The following AMPH variants were observed in gnomAD, a reference collection of about 807,000 sequenced individuals.
The protein encoded by AMPH is amphiphysin (Stiff-Mann syndrome with breast cancer 128kD autoantigen).
A neutral mutation model predicts 99.1 loss-of-function variants in AMPH; 49 were observed. The observed-to-expected ratio is 0.49, with a 90% CI of 0.39 to 0.63. AMPH has a LOEUF of 0.63. Ranked by LOEUF, AMPH falls within the 20% of genes least tolerant of loss-of-function variation. The pLI, the probability that AMPH is intolerant of heterozygous loss-of-function variation, is 0.00. For missense variants in AMPH, 759 were observed against 863.4 expected (o/e 0.88, Z 1.52); for synonymous variants, 314 against 317.3 (o/e 0.99, Z 0.11).
chr7:38,454,019 T>C (rs1787138005), intron 11 of AMPH, among the ~76,000 whole-genome samples: 1 of 152,218 alleles, frequency 6.6e-6, no homozygotes, highest in South Asian at 2.1e-4. Context: ...CAGCTATCCC[T>C]GGCGGCATCT....
At chr7:38,619,125 G>T (rs913122718) in intron 1 of AMPH, among the ~76,000 whole-genome samples, 1 of 152,166 alleles carries the variant, frequency 6.6e-6, no homozygotes, top group Non-Finnish European at 1.5e-5. Context: ...CCAGGAATTC[G>T]AGGCTGCAGT....
intron 11 of AMPH, among the ~76,000 whole-genome samples, chr7:38,459,109 T>C (rs1454849864): frequency 1.3e-5 from 2 of 151,984 alleles, no homozygotes; most frequent in Non-Finnish European, 2.9e-5. Context: ...AAGAAATCAA[T>C]ATGGCAATAC....
intron 17 of AMPH, among the ~76,000 whole-genome samples, chr7:38,406,728 T>TCTCTCTCTCTC (rs1785008049): frequency 1.9e-4 from 10 of 53,978 alleles, no homozygotes; most frequent in Middle Eastern, 0.014. Context: ...CTCTCTCCCT[T>TCTCTCTCTCTC]TCCCTCTCTC....
intron 18 of AMPH, among the ~76,000 whole-genome samples, chr7:38,393,110 C>A (rs181890996): frequency 2.6e-5 from 4 of 152,232 alleles, no homozygotes; most frequent in African/African-American, 9.6e-5. Flanking sequence ...AGTAGAACAA[C>A]ATACACAAAA....
In AMPH at chr7:38,618,839, G is replaced by T. The variant is rs376826389; in HGVS notation, c.69+12444C>A. ...CAGGCATGAAAAATAAAGCAACAAA[G>T]AGAAATAAGATATACATGACAAACA... On this transcript the variant is annotated intron_variant, in intron 1 of 20. Coordinates refer to ENST00000356264, the MANE Select transcript of AMPH (RefSeq NM_001635.4). 4.1e-4 allele frequency among the ~76,000 whole-genome samples: 62 copies of T among 152,166 alleles called. No homozygotes were observed. The Middle Eastern group carries it at 0.024, about 58-fold the overall frequency.
At chr7:38,474,360 G>A (rs1285265082) in intron 7 of AMPH, among the ~76,000 whole-genome samples, 1 of 152,270 alleles carries the variant, frequency 6.6e-6, no homozygotes, top group Admixed American at 6.5e-5. Context: ...GTTGGACTTT[G>A]GGTGATGGCT....
At chr7:38,502,594 A>T (rs534956639) in intron 3 of AMPH, among the ~76,000 whole-genome samples, 3 of 152,254 alleles carry the variant, frequency 2.0e-5, no homozygotes, top group Non-Finnish European at 4.4e-5. Flanking sequence ...GCTAAGCAAA[A>T]ATGTTACAGA....
At chr7:38,582,293 C>T (rs936424206) in intron 1 of AMPH, among the ~76,000 whole-genome samples, 7 of 152,176 alleles carry the variant, frequency 4.6e-5, no homozygotes, top group African/African-American at 1.7e-4. Flanking sequence ...CTTAATTAAA[C>T]AAGGTGGAGG....
In AMPH at chr7:38,432,240, T is replaced by C. The variant is rs201163770; in HGVS notation, c.1135-28A>G. On this transcript the variant is annotated intron_variant, in intron 12 of 20. Transcript: ENST00000356264. ...GAAAGCAAATAAACAAAAATACTGT[T>C]AGTTATACAAATCTAAAACATAAAA... The C allele has an allele frequency of 3.8e-4, 612 of 1,600,504 alleles. 6 individuals are homozygous for C. In the East Asian group the frequency reaches 0.013, roughly 33 times the overall value.
At chr7:38,442,340 T>A (rs1786588626) in intron 11 of AMPH, among the ~76,000 whole-genome samples, 1 of 152,164 alleles carries the variant, frequency 6.6e-6, no homozygotes, top group Non-Finnish European at 1.5e-5. Flanking sequence ...AGTGGCTTCA[T>A]CAAGTGAGAT....
Position 38,429,076 on chromosome 7 carries a change from C to T in AMPH, c.1182+766G>A, listed in dbSNP as rs114608255. On this transcript the variant is annotated intron_variant, in intron 14 of 20. Transcript: ENST00000356264. ...TCTACCTTTTGACACGCCTCCACAC[C>T]TGCCCACAGAGAATCTTCCATCTTC... is the stretch of plus-strand genomic sequence containing the variant. 3.3e-4 allele frequency: 421 copies of T among 1,290,420 alleles called. 2 individuals carry two copies. The African/African-American group carries it at 6.0e-3, about 18-fold the overall frequency. The allele number at this position is 1,290,420 out of a possible 1,614,324, so 79.9% of individuals were successfully genotyped here.
chr7:38,460,036 A>G (rs1256708375), intron 11 of AMPH, among the ~76,000 whole-genome samples: 1 of 152,168 alleles, frequency 6.6e-6, no homozygotes, highest in Non-Finnish European at 1.5e-5. Context: ...AAGGACATAA[A>G]TAGACATTTC....
intron 1 of AMPH, among the ~76,000 whole-genome samples, chr7:38,548,349 G>A (rs1791065038): frequency 6.6e-6 from 1 of 152,088 alleles, no homozygotes; most frequent in Non-Finnish European, 1.5e-5. Context: ...AAATTTTGAG[G>A]GAGGTATGCA....
At chr7:38,532,026 G>T (rs1584213375) in intron 2 of AMPH, among the ~76,000 whole-genome samples, 1 of 152,172 alleles carries the variant, frequency 6.6e-6, no homozygotes, top group East Asian at 1.9e-4. Context: ...TCCTTTTTCA[G>T]CATACCCAAC....
At chr7:38,499,054 T>G (rs574127318) in intron 3 of AMPH, among the ~76,000 whole-genome samples, 1 of 152,362 alleles carries the variant, frequency 6.6e-6, no homozygotes, top group East Asian at 1.9e-4. Context: ...TTCATTCAAG[T>G]GTAAGTTCCT....
At chr7:38,596,388 G>C (rs555060876) in intron 1 of AMPH, among the ~76,000 whole-genome samples, 14 of 152,244 alleles carry the variant, frequency 9.2e-5, no homozygotes, top group African/African-American at 3.4e-4. Flanking sequence ...CAGAAATCAG[G>C]AGCCCGGGGA....
At chr7:38,403,907 G>C (rs1377650340) in intron 17 of AMPH, among the ~76,000 whole-genome samples, 2 of 152,226 alleles carry the variant, frequency 1.3e-5, no homozygotes, top group African/African-American at 4.8e-5. Flanking sequence ...CCCAGTGAAA[G>C]TGAGCCTATG....
At chr7:38,523,442 A>G (rs76765748) in intron 2 of AMPH, among the ~76,000 whole-genome samples, 3,237 of 152,302 alleles carry the variant, frequency 0.021, 128 homozygotes, top group African/African-American at 0.073. Flanking sequence ...ATCCTGAAAC[A>G]TATTGTACCA....
At chr7:38,477,700 A>G (rs1788137019) in intron 5 of AMPH, among the ~76,000 whole-genome samples, 1 of 152,004 alleles carries the variant, frequency 6.6e-6, no homozygotes. Flanking sequence ...AACAACAACA[A>G]CAACAACAAC....
Sources: gnomAD v4.1 joint callset for allele counts (sites outside exome capture counted in the v4.1 genomes callset) on GRCh38, gnomAD v4.1.1 for gene constraint, MANE v1.5 for transcripts, NCBI Gene and HGNC (gene_info 2026-07-23, HGNC 2026-07-21) for gene names.